The following ISM1 variants were observed in gnomAD, a reference collection of about 807,000 sequenced individuals.
The protein encoded by ISM1 is isthmin 1.
A neutral mutation model predicts 46.3 loss-of-function variants in ISM1; 25 were observed. That is an observed-to-expected ratio of 0.54 (90% CI 0.39 to 0.75). The LOEUF (loss-of-function observed/expected upper bound fraction) is 0.75, where lower values mean the gene tolerates loss of function less well. Ranked by LOEUF, ISM1 falls within the 30% of genes least tolerant of loss-of-function variation. ISM1 has a pLI of 0.00. For missense variants in ISM1, 536 were observed against 625.4 expected (o/e 0.86, Z 1.52); for synonymous variants, 255 against 256.7 (o/e 0.99, Z 0.06).
chr20:13,300,839 C>G (rs1456068972), downstream of ISM1, among the ~76,000 whole-genome samples: 1 of 152,192 alleles, frequency 6.6e-6, no homozygotes, highest in Admixed American at 6.5e-5. Flanking sequence ...CCCCAGGAGG[C>G]TGAGGCCCAT....
At chr20:13,291,164 T>A (rs2040349117) in intron 4 of ISM1, among the ~76,000 whole-genome samples, 1 of 152,220 alleles carries the variant, frequency 6.6e-6, no homozygotes. Context: ...TCTTGTTTTC[T>A]GTCACCGCGG....
intron 1 of ISM1, among the ~76,000 whole-genome samples, chr20:13,269,909 TTGGA>T (rs967102146): frequency 2.7e-5 from 4 of 149,438 alleles, no homozygotes; most frequent in African/African-American, 9.9e-5. Flanking sequence ...CATTTGATGA[TTGGA>T]TGGATGGGTG....
At chr20:13,311,057 G>T in the ISM1 span, among the ~76,000 whole-genome samples, 4 of 152,142 alleles carry the variant, frequency 2.6e-5, no homozygotes, top group African/African-American at 9.7e-5. Context: ...AGCTGGGCAT[G>T]GTGGCGGGTG....
intron 1 of ISM1, among the ~76,000 whole-genome samples, chr20:13,248,057 T>C (rs1446979878): frequency 2.0e-5 from 3 of 152,168 alleles, no homozygotes; most frequent in Non-Finnish European, 4.4e-5. Context: ...AAGTTCCAGG[T>C]GGGCTATGTG....
At chr20:13,260,891 A>C (rs1449238909) in intron 1 of ISM1, among the ~76,000 whole-genome samples, 2 of 152,212 alleles carry the variant, frequency 1.3e-5, no homozygotes, top group East Asian at 3.9e-4. Context: ...AGGCTCAGCC[A>C]GGGCTGGATG....
At chr20:13,303,241 C>T (rs555579530), downstream of ISM1, among the ~76,000 whole-genome samples, 1 of 152,228 alleles carries the variant, frequency 6.6e-6, no homozygotes, top group African/African-American at 2.4e-5. Context: ...CCTAACTCAT[C>T]CCAAGGTCTG....
At chr20:13,294,275 CA>C (rs1289953561) in intron 5 of ISM1, among the ~76,000 whole-genome samples, 2 of 152,178 alleles carry the variant, frequency 1.3e-5, no homozygotes, top group Non-Finnish European at 2.9e-5. Context: ...TTTGGAAATT[CA>C]GTGTCGCTAG....
At chr20:13,311,764 G>T in the ISM1 span, among the ~76,000 whole-genome samples, 2 of 152,196 alleles carry the variant, frequency 1.3e-5, no homozygotes, top group Non-Finnish European at 2.9e-5. Context: ...GAGTAGAATG[G>T]TAGTAACCAG....
At chr20:13,225,051 C>T (rs2039503910) in intron 1 of ISM1, among the ~76,000 whole-genome samples, 1 of 148,990 alleles carries the variant, frequency 6.7e-6, no homozygotes, top group East Asian at 2.0e-4. Context: ...GACGGGGTTT[C>T]ACCGTGTTAG....
the ISM1 span, among the ~76,000 whole-genome samples, chr20:13,311,071 G>A: frequency 1.3e-5 from 2 of 152,130 alleles, no homozygotes; most frequent in African/African-American, 2.4e-5. Context: ...GCGGGTGCCT[G>A]TAATCCCAGC....
chr20:13,289,861 C>A (rs2040334428), intron 4 of ISM1, among the ~76,000 whole-genome samples: 1 of 152,116 alleles, frequency 6.6e-6, no homozygotes, highest in Admixed American at 6.5e-5. Context: ...TTCAAGAAAC[C>A]ACACATTCCA....
chr20:13,230,201 G>A (rs1600480227), intron 1 of ISM1, among the ~76,000 whole-genome samples: 2 of 152,134 alleles, frequency 1.3e-5, no homozygotes, highest in East Asian at 1.9e-4. Flanking sequence ...TGTCATACAA[G>A]TGTTTTTTAA....
chr20:13,303,534 G>T (rs73082229), downstream of ISM1, among the ~76,000 whole-genome samples: 12 of 152,266 alleles, frequency 7.9e-5, no homozygotes, highest in Non-Finnish European at 1.8e-4. Flanking sequence ...AACATAACAG[G>T]CACCTAACCT....
chr20:13,249,907 C>T (rs1162920001), intron 1 of ISM1, among the ~76,000 whole-genome samples: 1 of 151,924 alleles, frequency 6.6e-6, no homozygotes, highest in Non-Finnish European at 1.5e-5. Flanking sequence ...TTCTCATTTG[C>T]AAAAATTGCT....
At chr20:13,314,477 T>C in the ISM1 span, among the ~76,000 whole-genome samples, 3 of 151,996 alleles carry the variant, frequency 2.0e-5, no homozygotes, top group Non-Finnish European at 2.9e-5. Context: ...GTGAAACATT[T>C]AAAGTATTGA....
intron 1 of ISM1, among the ~76,000 whole-genome samples, chr20:13,254,933 C>G (rs1347060683): frequency 6.6e-6 from 1 of 152,196 alleles, no homozygotes; most frequent in Non-Finnish European, 1.5e-5. Context: ...ATTCAGAGAG[C>G]ATTTAGTGAG....
At chr20:13,297,036 G>A (rs1168583755) in intron 5 of ISM1, among the ~76,000 whole-genome samples, 2 of 146,974 alleles carry the variant, frequency 1.4e-5, no homozygotes, top group African/African-American at 2.5e-5. Flanking sequence ...CTCACCCCCC[G>A]CCAAAAAAAA....
intron 3 of ISM1, among the ~76,000 whole-genome samples, chr20:13,281,735 G>A (rs1419342311): frequency 1.3e-5 from 2 of 152,158 alleles, no homozygotes; most frequent in Admixed American, 6.5e-5. Context: ...AAAGATCAGC[G>A]CCACTGAGTG....
At chr20:13,272,282 T>C (rs562893769) in intron 2 of ISM1, among the ~76,000 whole-genome samples, 1 of 152,352 alleles carries the variant, frequency 6.6e-6, no homozygotes, top group African/African-American at 2.4e-5. Flanking sequence ...TCAGGTTTCG[T>C]TGACCTGAGT....
Sources: allele counts gnomAD v4.1 joint callset (sites outside exome capture counted in the v4.1 genomes callset), GRCh38; gene constraint gnomAD v4.1.1; transcripts MANE v1.5; gene names NCBI Gene and HGNC (gene_info 2026-07-23, HGNC 2026-07-21).